NEMF: variants seen among roughly 807,000 people sequenced by gnomAD.
NEMF encodes nuclear export mediator factor.
A neutral mutation model predicts 162.2 loss-of-function variants in NEMF; 89 were observed. The observed-to-expected ratio is 0.55, with a 90% CI of 0.46 to 0.65. NEMF has a LOEUF of 0.65. Among genes scored for constraint, NEMF ranks in the 30% least tolerant of loss-of-function variants. The pLI, the probability that NEMF is intolerant of heterozygous loss-of-function variation, is 0.00. For missense variants in NEMF, 1,133 were observed against 1,261.9 expected, an observed-to-expected ratio of 0.90 and a Z score of 1.55; for synonymous variants, 421 against 404.5, an observed-to-expected ratio of 1.04 and a Z score of -0.49.
At chr14:49,813,178 C>T (rs1247317280) in intron 18 of NEMF, among the ~76,000 whole-genome samples, 3 of 152,122 alleles carry the variant, frequency 2.0e-5, no homozygotes, top group South Asian at 2.1e-4. Flanking sequence ...CAAAATGCTC[C>T]AAAATCTAAA....
At position 49,828,366 on chromosome 14, in the gene NEMF, T is replaced by C. The variant is rs370389481; in HGVS notation, c.1425-12A>G. ...TGTGATCATAATACCTAGAAAAACA[T>C]ATTTCTCTTAAATTTTAAGTATAAT... On this transcript the variant is annotated splice_polypyrimidine_tract_variant and intron_variant, in intron 14 of 32. Coordinates refer to ENST00000298310, the MANE Select transcript of NEMF (RefSeq NM_004713.6). 5.3e-6 allele frequency: 8 copies of C among 1,502,688 alleles called. No homozygotes were observed. The highest frequency in any genetic ancestry group is 6.4e-6 in the Non-Finnish European group (7 of 1,095,334). The allele number at this position is 1,502,688 out of a possible 1,614,324, so 93.1% of individuals were successfully genotyped here. A position where few individuals can be genotyped will look rare whatever the true frequency, so the allele number is the denominator to read the frequency against.
At chr14:49,809,813 A>T (rs1891386101) in intron 18 of NEMF, among the ~76,000 whole-genome samples, 1 of 151,850 alleles carries the variant, frequency 6.6e-6, no homozygotes, top group South Asian at 2.1e-4. Context: ...GTAAGCTGAG[A>T]TTACGCAACT....
chr14:49,801,999 T>A lies in NEMF; in HGVS notation c.2095+454A>T, dbSNP rs545229732. On this transcript the variant is annotated intron_variant, in intron 22 of 32. Coordinates refer to ENST00000298310, the MANE Select transcript of NEMF (RefSeq NM_004713.6). Reference sequence around the variant, plus strand: ...CAGGGTCTCATTCTGTGGCCCAGGCTGGAGTGCAGTGGCAGTGGCGTGATC... The same window carrying A: ...CAGGGTCTCATTCTGTGGCCCAGGCAGGAGTGCAGTGGCAGTGGCGTGATC... Among the ~76,000 whole-genome samples, 15 of 151,784 alleles carry A rather than the reference T, an allele frequency of 9.9e-5. No homozygotes were observed. In the East Asian group the frequency reaches 2.7e-3, roughly 27 times the overall value.
At position 49,826,020 on chromosome 14, in the gene NEMF, A is replaced by G. The variant is rs577623154; in HGVS notation, c.1489-65T>C. 7.4e-6 allele frequency: 8 copies of G among 1,075,272 alleles called. No homozygotes were observed. In the South Asian group the frequency reaches 1.1e-4, roughly 15 times the overall value. The allele number at this position is 1,075,272 out of a possible 1,614,324, so 66.6% of individuals were successfully genotyped here. ...ATGTATTTAAATAACACCAAAGTAAATAATGGGGCAAGAATTTTTTTAAAT... is the reference window on the plus strand; with the variant it reads ...ATGTATTTAAATAACACCAAAGTAAGTAATGGGGCAAGAATTTTTTTAAAT... On this transcript the variant is annotated intron_variant, in intron 15 of 32. Transcript: ENST00000298310.
intron 5 of NEMF, among the ~76,000 whole-genome samples, 167 bp from the exon 6 acceptor site, chr14:49,838,373 T>C (rs1893011760): frequency 1.3e-5 from 2 of 152,264 alleles, no homozygotes; most frequent in East Asian, 1.9e-4. Context: ...TAAAAGATAT[T>C]TACCCAAGAT....
chr14:49,831,435 ATTTTTT>A (rs11365862), intron 10 of NEMF, 74 bp from the exon 11 acceptor site: 1 of 768,900 alleles, frequency 1.3e-6, no homozygotes, highest in African/African-American at 1.8e-5. Context: ...ACAGAATTTT[ATTTTTT>A]TTTTCTTTTT....
chr14:49,842,462 T>C (rs1214819047), intron 4 of NEMF, among the ~76,000 whole-genome samples: 1 of 152,168 alleles, frequency 6.6e-6, no homozygotes, highest in East Asian at 1.9e-4. Context: ...AACGAAAGAA[T>C]ACCACCTTCC....
chr14:49,811,250 T>G (rs1324025218), intron 18 of NEMF, among the ~76,000 whole-genome samples: 2 of 152,248 alleles, frequency 1.3e-5, no homozygotes, highest in East Asian at 3.8e-4. Flanking sequence ...CCTTTTCAGA[T>G]TGTTCACTGG....
At chr14:49,831,472 C>T (rs1443275036) in intron 10 of NEMF, 111 bp from the exon 11 acceptor site, 4 of 700,108 alleles carry the variant, frequency 5.7e-6, no homozygotes, top group Non-Finnish European at 9.8e-6. Context: ...GAGTCTCACT[C>T]TGTTGCCCAG....
chr14:49,782,971 C>A lies in NEMF; in HGVS notation c.*1665G>T, dbSNP rs1889979801. 1 of 1,607,076 alleles carries A rather than the reference C, an allele frequency of 6.2e-7. No individual in the cohort carries two copies. The highest frequency in any genetic ancestry group is 8.5e-7 in the Non-Finnish European group (1 of 1,176,670). Reference sequence around the variant, plus strand: ...GATCTTAAGGCTTCATAAATAATGCCTATGATCACCTTGCATGGACAGCAA... The same window carrying A: ...GATCTTAAGGCTTCATAAATAATGCATATGATCACCTTGCATGGACAGCAA... On this transcript the variant is annotated 3_prime_UTR_variant, in exon 33 of 33. Coordinates refer to ENST00000298310, the MANE Select transcript of NEMF (RefSeq NM_004713.6).
chr14:49,829,782 T>G (rs1389581351), intron 11 of NEMF, among the ~76,000 whole-genome samples: 1 of 152,232 alleles, frequency 6.6e-6, no homozygotes. Context: ...TTTATTTTTT[T>G]TTAAATAATA....
chr14:49,830,935 C>T (rs1023170669), intron 11 of NEMF, among the ~76,000 whole-genome samples: 5 of 152,108 alleles, frequency 3.3e-5, no homozygotes, highest in African/African-American at 1.2e-4. Flanking sequence ...AAACAATATC[C>T]CCTCCTCTGG....
chr14:49,785,155 G>C lies in NEMF; in HGVS notation c.3030-20C>G. ...TTATATCTTTAAAAAGGAATTACAT[G>C]TGTTACTAAATAGACGTTACAAAAC... On this transcript the variant is annotated intron_variant, in intron 30 of 32. Coordinates refer to ENST00000298310, the MANE Select transcript of NEMF (RefSeq NM_004713.6). 1 of 1,599,358 alleles carries C rather than the reference G, an allele frequency of 6.3e-7. No individual in the cohort carries two copies. The highest frequency in any genetic ancestry group is 8.6e-7 in the Non-Finnish European group (1 of 1,166,792).
At chr14:49,799,732 A>G (rs1890870772) in intron 23 of NEMF, 54 bp from the exon 24 acceptor site, 1 of 1,440,500 alleles carries the variant, frequency 6.9e-7, no homozygotes, top group Non-Finnish European at 9.6e-7. Flanking sequence ...ACATGCATTT[A>G]CAAAGTCCCA....
chr14:49,786,527 G>A (rs1013576774), intron 29 of NEMF, 191 bp downstream of exon 29: 5 of 582,862 alleles, frequency 8.6e-6, no homozygotes, highest in African/African-American at 7.5e-5. Context: ...TGAGGAAACT[G>A]AGGCACAAAG....
At chr14:49,798,856 GAGAT>G (rs1890814934) in intron 25 of NEMF, among the ~76,000 whole-genome samples, 3 of 151,810 alleles carry the variant, frequency 2.0e-5, no homozygotes, top group Admixed American at 2.0e-4. Context: ...GCAGTGAGCC[GAGAT>G]CATGCCACTG....
chr14:49,824,210 T>A (rs924279685), intron 16 of NEMF, among the ~76,000 whole-genome samples: 1 of 151,514 alleles, frequency 6.6e-6, no homozygotes, highest in African/African-American at 2.4e-5. Context: ...ATCAAAATAA[T>A]ACCAGATTTC....
At chr14:49,799,796 TTGG>T in intron 23 of NEMF, 118 bp from the exon 24 acceptor site, 1 of 829,608 alleles carries the variant, frequency 1.2e-6, no homozygotes, top group South Asian at 1.7e-5. Flanking sequence ...ATTTTCAAAT[TTGG>T]TGAAGTGAGA....
At position 49,834,056 on chromosome 14, in the gene NEMF, C is replaced by T. The variant is rs78250138; in HGVS notation, c.661+307G>A. ...GAAACTAAAACATTCACTAAAATCT[C>T]ATTCAATTTTTTTTTTTGAGAGTGG... is the stretch of plus-strand genomic sequence containing the variant. On this transcript the variant is annotated intron_variant, in intron 7 of 32. Transcript: ENST00000298310. The T allele has an allele frequency of 2.1e-3, 1,005 of 478,826 alleles. 13 individuals are homozygous for T. The highest frequency in any genetic ancestry group is 0.018 in the African/African-American group (933 of 50,750). 29.7% of individuals were successfully genotyped at this position (478,826 alleles called of 1,614,324 possible). A position where few individuals can be genotyped will look rare whatever the true frequency, so the allele number is the denominator to read the frequency against.
Sources: gnomAD v4.1 joint callset for allele counts (sites outside exome capture counted in the v4.1 genomes callset) on GRCh38, gnomAD v4.1.1 for gene constraint, MANE v1.5 for transcripts, NCBI Gene and HGNC (gene_info 2026-07-23, HGNC 2026-07-21) for gene names.